The following MACROD2 variants were observed in gnomAD, a reference collection of about 807,000 sequenced individuals.
MACROD2 encodes ADP-ribose glycohydrolase MACROD2.
A neutral mutation model predicts 70.4 loss-of-function variants in MACROD2; 36 were observed. The observed-to-expected ratio is 0.51, with a 90% CI of 0.39 to 0.68. MACROD2 has a LOEUF of 0.68. MACROD2 is among the 30% of genes least tolerant of loss of function. The pLI is 0.00. For synonymous variants in MACROD2, 172 were observed against 178.8 expected (o/e 0.96, Z 0.30); for missense variants, 496 against 538.4 (o/e 0.92, Z 0.78).
rs1202278442 is a variant in MACROD2, at chr20:15,900,224, A to AT, written c.775+14415dup. 7.2e-5 allele frequency among the ~76,000 whole-genome samples: 11 copies of AT among 152,178 alleles called. No individual in the cohort carries two copies. The South Asian group carries it at 1.7e-3, about 23-fold the overall frequency. On this transcript the variant is annotated intron_variant, in intron 10 of 17. Coordinates refer to ENST00000684519, the MANE Select transcript of MACROD2 (RefSeq NM_001351661.2). ...TGCCATCACTCAAATGAGCTTAGTG[A>AT]TTGACCAGCTTTTAACAAAATAAGG... is the stretch of plus-strand genomic sequence containing the variant.
intron 5 of MACROD2, among the ~76,000 whole-genome samples, chr20:15,151,457 T>C (rs1329408811): frequency 3.9e-5 from 6 of 152,128 alleles, no homozygotes; most frequent in Admixed American, 2.6e-4. Context: ...ACTCTATTAT[T>C]GTACACCTTG....
chr20:15,930,467 C>A (rs558504546), intron 10 of MACROD2, among the ~76,000 whole-genome samples: 51 of 152,180 alleles, frequency 3.4e-4, no homozygotes, highest in Non-Finnish European at 6.3e-4. Flanking sequence ...GGAAAATAAG[C>A]CTTCTACATT....
At chr20:14,522,204 A>G (rs1014568625) in intron 4 of MACROD2, among the ~76,000 whole-genome samples, 5 of 152,186 alleles carry the variant, frequency 3.3e-5, no homozygotes, top group Admixed American at 1.3e-4. Context: ...AAGCTATTCT[A>G]TTTAAAATAT....
At chr20:14,899,561 A>G (rs1600791210) in intron 5 of MACROD2, among the ~76,000 whole-genome samples, 1 of 152,130 alleles carries the variant, frequency 6.6e-6, no homozygotes, top group Non-Finnish European at 1.5e-5. Flanking sequence ...CTGTGTCCAA[A>G]ATCTGCCTTT....
intron 2 of MACROD2, among the ~76,000 whole-genome samples, chr20:14,011,588 G>A (rs2052907736): frequency 6.6e-6 from 1 of 151,908 alleles, no homozygotes; most frequent in African/African-American, 2.4e-5. Context: ...GAGTGCAGTG[G>A]CCCGATCTCG....
At chr20:15,262,766 T>C (rs1173998785) in intron 6 of MACROD2, among the ~76,000 whole-genome samples, 1 of 152,142 alleles carries the variant, frequency 6.6e-6, no homozygotes, top group Non-Finnish European at 1.5e-5. Context: ...TAATATCTCA[T>C]TGTAGTTTTG....
chr20:15,242,867 G>A (rs1414066426), intron 6 of MACROD2, among the ~76,000 whole-genome samples: 1 of 152,172 alleles, frequency 6.6e-6, no homozygotes, highest in African/African-American at 2.4e-5. Context: ...TAATGTGCAG[G>A]ACGCTAATAT....
intron 7 of MACROD2, among the ~76,000 whole-genome samples, chr20:15,467,984 C>T (rs2046916525): frequency 6.6e-6 from 1 of 152,168 alleles, no homozygotes; most frequent in Non-Finnish European, 1.5e-5. Flanking sequence ...ACCATGATGC[C>T]AGTTAGGTGG....
At chr20:14,346,330 G>A (rs538288337) in intron 3 of MACROD2, among the ~76,000 whole-genome samples, 38 of 152,166 alleles carry the variant, frequency 2.5e-4, no homozygotes, top group Admixed American at 1.2e-3. Flanking sequence ...TGTATGTTCT[G>A]TAGACTTCCT....
At chr20:15,348,792 C>T (rs1007172423) in intron 6 of MACROD2, among the ~76,000 whole-genome samples, 4 of 152,058 alleles carry the variant, frequency 2.6e-5, no homozygotes, top group Admixed American at 2.6e-4. Context: ...CAGTTACCTT[C>T]CACCAGGTAG....
chr20:14,944,802 A>T (rs1435481114), intron 5 of MACROD2, among the ~76,000 whole-genome samples: 1 of 152,050 alleles, frequency 6.6e-6, no homozygotes, highest in Non-Finnish European at 1.5e-5. Context: ...AGCCACTGAG[A>T]ACCACCAGTC....
intron 8 of MACROD2, among the ~76,000 whole-genome samples, chr20:15,583,921 A>T (rs115338715): frequency 0.014 from 2,198 of 152,322 alleles, 41 homozygotes; most frequent in African/African-American, 0.049. Context: ...TTACAGGCGT[A>T]AGCCACAACA....
chr20:14,072,174 A>C (rs2053853535), intron 2 of MACROD2, among the ~76,000 whole-genome samples: 1 of 152,132 alleles, frequency 6.6e-6, no homozygotes, highest in African/African-American at 2.4e-5. Context: ...ATTGCTTTCA[A>C]AGTATCATAA....
At chr20:14,596,181 G>C (rs1982121654) in intron 4 of MACROD2, among the ~76,000 whole-genome samples, 1 of 151,648 alleles carries the variant, frequency 6.6e-6, no homozygotes, top group African/African-American at 2.4e-5. Context: ...CGCCTCCCGG[G>C]TTCACGCCAT....
At chr20:14,353,775 G>A (rs778489691) in intron 3 of MACROD2, among the ~76,000 whole-genome samples, 16 of 152,078 alleles carry the variant, frequency 1.1e-4, no homozygotes, top group Non-Finnish European at 1.8e-4. Flanking sequence ...AGAAATTTGT[G>A]TTAGCTACAT....
At position 14,451,310 on chromosome 20, in the gene MACROD2, G is replaced by A. The variant is rs777380816; in HGVS notation, c.272-42169G>A. Among the ~76,000 whole-genome samples the A allele has an allele frequency of 7.9e-5, 12 of 152,214 alleles. 1 individual carries two copies. Among genetic ancestry groups the A allele is most frequent in the Admixed American group, 3.3e-4 (5 of 15,300 alleles). ...CAGAAAAATTTAAAATTAGCCGGGC[G>A]TGGTGGCACATGCCTGTAATCCCAG... On this transcript the variant is annotated intron_variant, in intron 3 of 17. Transcript: ENST00000684519.
At chr20:14,364,571 G>A (rs1433641192) in intron 3 of MACROD2, among the ~76,000 whole-genome samples, 1 of 152,108 alleles carries the variant, frequency 6.6e-6, no homozygotes, top group Non-Finnish European at 1.5e-5. Flanking sequence ...AAAGGAAATT[G>A]CATACCCATT....
At chr20:15,996,110 C>T (rs1283563552) in intron 15 of MACROD2, among the ~76,000 whole-genome samples, 1 of 152,126 alleles carries the variant, frequency 6.6e-6, no homozygotes, top group Non-Finnish European at 1.5e-5. Flanking sequence ...TACTAATTTA[C>T]ATTTCCATTA....
intron 5 of MACROD2, among the ~76,000 whole-genome samples, chr20:15,163,836 G>A (rs1410688668): frequency 6.6e-6 from 1 of 151,886 alleles, no homozygotes; most frequent in African/African-American, 2.4e-5. Flanking sequence ...AGGCCATAGA[G>A]AAAAGTCCAA....
Sources: gnomAD v4.1 joint callset for allele counts (sites outside exome capture counted in the v4.1 genomes callset) on GRCh38, gnomAD v4.1.1 for gene constraint, MANE v1.5 for transcripts, NCBI Gene and HGNC (gene_info 2026-07-23, HGNC 2026-07-21) for gene names.